The following PAPPA2 variants were observed in gnomAD, a reference collection of about 807,000 sequenced individuals.
PAPPA2 encodes pappalysin 2, also known as pappalysin-2.
In PAPPA2, 86 loss-of-function variants were observed where a neutral mutation model predicts 176.4. That is an observed-to-expected ratio of 0.49 (90% CI 0.41 to 0.58). PAPPA2 has a LOEUF of 0.58. Ranked by LOEUF, PAPPA2 falls within the 20% of genes least tolerant of loss-of-function variation. The pLI, the probability that PAPPA2 is intolerant of heterozygous loss-of-function variation, is 0.00. For missense variants in PAPPA2, 2,073 were observed against 2,256.9 expected (o/e 0.92, Z 1.65); for synonymous variants, 809 against 852.2 (o/e 0.95, Z 0.88).
intron 4 of PAPPA2, among the ~76,000 whole-genome samples, chr1:176,672,612 C>G (rs1167632318): frequency 1.3e-5 from 2 of 151,690 alleles, no homozygotes; most frequent in African/African-American, 4.8e-5. Flanking sequence ...CAATGCTGTT[C>G]AAGTGTGAAA....
chr1:176,666,627 GAA>G (rs1491189220), intron 3 of PAPPA2, among the ~76,000 whole-genome samples: 29 of 148,864 alleles, frequency 1.9e-4, no homozygotes, highest in African/African-American at 4.0e-4. Flanking sequence ...GAGAGAGAGA[GAA>G]AGAGAGAGAC....
At chr1:176,498,063 C>G (rs751250589) in intron 1 of PAPPA2, among the ~76,000 whole-genome samples, 2 of 152,200 alleles carry the variant, frequency 1.3e-5, no homozygotes, top group Non-Finnish European at 2.9e-5. Context: ...TCTTTTAAAA[C>G]ATAGTACTCA....
At chr1:176,826,764 A>G (rs1178365859) in intron 21 of PAPPA2, among the ~76,000 whole-genome samples, 3 of 152,234 alleles carry the variant, frequency 2.0e-5, no homozygotes, top group Non-Finnish European at 4.4e-5. Flanking sequence ...AGTTATGTCT[A>G]AATTGTGGAA....
intron 16 of PAPPA2, 107 bp downstream of exon 16, chr1:176,769,891 C>T (rs1205063562): frequency 3.0e-5 from 36 of 1,193,454 alleles, no homozygotes; most frequent in Non-Finnish European, 3.3e-5. Context: ...CTATTTGCTC[C>T]ACTGTGTCAC....
intron 14 of PAPPA2, among the ~76,000 whole-genome samples, chr1:176,740,772 T>C (rs888213896): frequency 2.0e-5 from 3 of 152,162 alleles, no homozygotes; most frequent in African/African-American, 7.2e-5. Flanking sequence ...ACTCACAGTG[T>C]TGGTGTGCCC....
chr1:176,834,461 A>G (rs192426887), intron 21 of PAPPA2, among the ~76,000 whole-genome samples: 4 of 152,354 alleles, frequency 2.6e-5, no homozygotes, highest in East Asian at 3.9e-4. Context: ...ACATGACAGC[A>G]ATGAGCAGCA....
At chr1:176,713,998 A>G (rs1661258114) in intron 12 of PAPPA2, among the ~76,000 whole-genome samples, 1 of 152,180 alleles carries the variant, frequency 6.6e-6, no homozygotes, top group African/African-American at 2.4e-5. Flanking sequence ...TAAGTCTTTT[A>G]ACTCTAACTC....
Position 176,706,350 on chromosome 1 carries a change from A to G in PAPPA2, c.3366-9A>G. ...TGTGTTATATATGCATATATATTTT[A>G]CCCTCTAGGAGACTGGGAGAAGAGT... On this transcript the variant is annotated splice_polypyrimidine_tract_variant and intron_variant, in intron 9 of 22. Coordinates refer to ENST00000367662, the MANE Select transcript of PAPPA2 (RefSeq NM_020318.3). 6.2e-7 allele frequency: 1 copy of G among 1,611,960 alleles called. No individual in the cohort carries two copies. Among genetic ancestry groups the G allele is most frequent in the Non-Finnish European group, 8.5e-7 (1 of 1,178,432 alleles).
intron 3 of PAPPA2, among the ~76,000 whole-genome samples, chr1:176,643,947 G>A (rs1280403058): frequency 1.3e-5 from 2 of 151,856 alleles, no homozygotes. Context: ...AGGAGAAGGT[G>A]AGGGACAGCC....
chr1:176,530,798 AC>A (rs1273031092), intron 1 of PAPPA2, among the ~76,000 whole-genome samples: 1 of 152,234 alleles, frequency 6.6e-6, no homozygotes, highest in Non-Finnish European at 1.5e-5. Context: ...TTAGGGGCAT[AC>A]ATTTCATGGA....
chr1:176,639,356 G>A (rs1360221639), intron 3 of PAPPA2, among the ~76,000 whole-genome samples: 1 of 152,100 alleles, frequency 6.6e-6, no homozygotes, highest in Admixed American at 6.6e-5. Flanking sequence ...TTTAACCTAT[G>A]CATACTGGCC....
At chr1:176,634,286 T>C (rs1488530816) in intron 3 of PAPPA2, among the ~76,000 whole-genome samples, 1 of 152,206 alleles carries the variant, frequency 6.6e-6, no homozygotes, top group Non-Finnish European at 1.5e-5. Context: ...TTCATATCCT[T>C]TGTAGGGACA....
intron 2 of PAPPA2, among the ~76,000 whole-genome samples, chr1:176,557,933 A>G (rs2102593364): frequency 6.6e-6 from 1 of 152,340 alleles, no homozygotes; most frequent in Admixed American, 6.5e-5. Flanking sequence ...GAAACTTTTT[A>G]TAACTCCATG....
chr1:176,498,342 A>G (rs1026901814), intron 1 of PAPPA2, among the ~76,000 whole-genome samples: 2 of 152,088 alleles, frequency 1.3e-5, no homozygotes, highest in African/African-American at 2.4e-5. Context: ...CTCCTTAGCC[A>G]CAGAGATTCA....
chr1:176,700,033 A>G (rs575755798), intron 8 of PAPPA2, among the ~76,000 whole-genome samples: 5 of 152,314 alleles, frequency 3.3e-5, no homozygotes, highest in South Asian at 4.1e-4. Context: ...CGATACACTC[A>G]GTTCCATGAC....
chr1:176,672,703 T>C (rs192958159), intron 4 of PAPPA2, among the ~76,000 whole-genome samples: 108 of 152,270 alleles, frequency 7.1e-4, no homozygotes, highest in Non-Finnish European at 1.4e-3. Flanking sequence ...TATATGCAAA[T>C]GTATATATAC....
At chr1:176,589,331 C>G (rs530893698) in intron 2 of PAPPA2, among the ~76,000 whole-genome samples, 1 of 152,166 alleles carries the variant, frequency 6.6e-6, no homozygotes, top group Non-Finnish European at 1.5e-5. Context: ...TTGCTAAGAC[C>G]CACGTGAGCA....
intron 1 of PAPPA2, among the ~76,000 whole-genome samples, chr1:176,554,750 G>A (rs1651166648): frequency 6.6e-6 from 1 of 152,076 alleles, no homozygotes; most frequent in South Asian, 2.1e-4. Context: ...TGAATTCATG[G>A]CATTTCCATT....
chr1:176,554,013 A>C (rs934042216), intron 1 of PAPPA2, among the ~76,000 whole-genome samples: 1 of 152,024 alleles, frequency 6.6e-6, no homozygotes, highest in Non-Finnish European at 1.5e-5. Context: ...AAGTAAAGGG[A>C]AGGAAAAAGG....
Sources: gnomAD v4.1 joint callset for allele counts (sites outside exome capture counted in the v4.1 genomes callset) on GRCh38, gnomAD v4.1.1 for gene constraint, MANE v1.5 for transcripts, NCBI Gene and HGNC (gene_info 2026-07-23, HGNC 2026-07-21) for gene names.